C1orf21: variants seen among roughly 807,000 people sequenced by gnomAD.
C1orf21 encodes chromosome 1 open reading frame 21.
C1orf21 carries 3 observed loss-of-function variants against 18.7 expected under a neutral mutation model. That is an observed-to-expected ratio of 0.16 (90% CI 0.07 to 0.42). The LOEUF (loss-of-function observed/expected upper bound fraction) is 0.42, where lower values mean the gene tolerates loss of function less well. Among genes scored for constraint, C1orf21 ranks in the 10% least tolerant of loss-of-function variants. The probability of loss-of-function intolerance (pLI) is 0.99; values close to 1 mark genes in which losing one functional copy is unlikely to be tolerated. For synonymous variants in C1orf21, 41 were observed against 46.4 expected (o/e 0.88, Z 0.47); for missense variants, 104 against 143.6 (o/e 0.72, Z 1.41).
intron 1 of C1orf21, among the ~76,000 whole-genome samples, chr1:184,416,105 T>C (rs1656447213): frequency 6.6e-6 from 1 of 152,196 alleles, no homozygotes; most frequent in Admixed American, 6.5e-5. Flanking sequence ...AAAGAGATGA[T>C]TTATTGAAAG....
intron 4 of C1orf21, among the ~76,000 whole-genome samples, chr1:184,595,687 C>T (rs1325834137): frequency 6.6e-6 from 1 of 152,120 alleles, no homozygotes; most frequent in African/African-American, 2.4e-5. Flanking sequence ...CACAGGTGAC[C>T]CGTGTGGGCA....
rs1452315526 is a variant in C1orf21, at chr1:184,621,002, A to G, written c.*1446A>G. ...GTTTGTCCCACAAAATCACAGGAGC[A>G]CTGTATGTTCCTCTCTTTTGGAGTT... On this transcript the variant is annotated 3_prime_UTR_variant, in exon 6 of 6. Coordinates refer to ENST00000235307, the MANE Select transcript of C1orf21 (RefSeq NM_030806.4). 6.6e-6 allele frequency: 1 copy of G among 152,622 alleles called. No individual in the cohort carries two copies. Among genetic ancestry groups the G allele is most frequent in the East Asian group, 1.9e-4 (1 of 5,192 alleles). The allele number at this position is 152,622 out of a possible 1,614,324, so 9.5% of individuals were successfully genotyped here.
chr1:184,404,069 C>T (rs76235642), intron 1 of C1orf21, among the ~76,000 whole-genome samples: 3,067 of 152,206 alleles, frequency 0.02, 104 homozygotes, highest in African/African-American at 0.064. Flanking sequence ...CTCATTTAAT[C>T]GGATAATAGC....
intron 5 of C1orf21, among the ~76,000 whole-genome samples, chr1:184,611,382 C>A (rs556013057): frequency 4.6e-5 from 7 of 152,194 alleles, no homozygotes; most frequent in Non-Finnish European, 1.0e-4. Context: ...CACCTGCTTC[C>A]TACAGGAGGA....
At chr1:184,392,078 C>T (rs541712584) in intron 1 of C1orf21, among the ~76,000 whole-genome samples, 3 of 152,318 alleles carry the variant, frequency 2.0e-5, no homozygotes, top group Admixed American at 6.5e-5. Context: ...ATTTGACAGG[C>T]GTTCCTTCCC....
chr1:184,496,475 G>A (rs1283876108), intron 2 of C1orf21, among the ~76,000 whole-genome samples: 2 of 152,216 alleles, frequency 1.3e-5, no homozygotes, highest in Non-Finnish European at 2.9e-5. Flanking sequence ...GATCCAGTGG[G>A]AGCGGTGGAG....
intron 1 of C1orf21, among the ~76,000 whole-genome samples, chr1:184,414,479 G>T (rs1489569044): frequency 6.6e-6 from 1 of 152,170 alleles, no homozygotes; most frequent in Non-Finnish European, 1.5e-5. Flanking sequence ...TTCTCAAAGA[G>T]AGGGCAGATA....
intron 3 of C1orf21, among the ~76,000 whole-genome samples, chr1:184,532,745 T>TC (rs1414641549): frequency 6.6e-6 from 1 of 152,118 alleles, no homozygotes; most frequent in Non-Finnish European, 1.5e-5. Context: ...AGAACTTGTT[T>TC]CTTAAAAAAA....
chr1:184,483,069 A>G (rs150213141), intron 2 of C1orf21, among the ~76,000 whole-genome samples: 1 of 152,328 alleles, frequency 6.6e-6, no homozygotes, highest in Admixed American at 6.5e-5. Context: ...TTGAAGCATA[A>G]AAAGTTTCAG....
intron 1 of C1orf21, among the ~76,000 whole-genome samples, chr1:184,422,181 C>T (rs1656556286): frequency 1.3e-5 from 2 of 152,086 alleles, no homozygotes; most frequent in South Asian, 2.1e-4. Flanking sequence ...GCATCAGGGC[C>T]GTGTGGATGT....
intron 1 of C1orf21, among the ~76,000 whole-genome samples, chr1:184,397,595 A>AAG (rs1656081205): frequency 6.6e-6 from 1 of 151,916 alleles, no homozygotes; most frequent in East Asian, 1.9e-4. Context: ...GAAAAAGAAA[A>AAG]AAAAACAACT....
intron 1 of C1orf21, among the ~76,000 whole-genome samples, chr1:184,426,017 A>G (rs985914939): frequency 2.0e-5 from 3 of 152,208 alleles, no homozygotes; most frequent in South Asian, 2.1e-4. Context: ...ACCCAGATTT[A>G]TGTACTCAGC....
rs150691453 is a variant in C1orf21 at position 184,418,376 on chromosome 1, A to G, written c.-125+31008A>G. On this transcript the variant is annotated intron_variant, in intron 1 of 5. Transcript: ENST00000235307. ...TGGCATGTGCCACCATGCCTGGCTA[A>G]TTTTTTTGTATGTTTTTTGTAGAGA... Among the ~76,000 whole-genome samples, 343 of 152,090 alleles carry G rather than the reference A, an allele frequency of 2.3e-3. 1 individual carries two copies. The highest frequency in any genetic ancestry group is 0.017 in the Middle Eastern group (5 of 294).
At chr1:184,471,105 G>A (rs1657490234) in intron 1 of C1orf21, among the ~76,000 whole-genome samples, 1 of 152,128 alleles carries the variant, frequency 6.6e-6, no homozygotes, top group African/African-American at 2.4e-5. Context: ...ACACAGAGGA[G>A]TTTTCTGGTG....
chr1:184,442,679 A>G lies in C1orf21; in HGVS notation c.-124-34707A>G, dbSNP rs1283090576. On this transcript the variant is annotated intron_variant, in intron 1 of 5. Transcript: ENST00000235307. ...CTGGGTCATGATTTTGATTAGATCT[A>G]GAAATACTCTGAGGATCCCAACTTA... Among the ~76,000 whole-genome samples the G allele has an allele frequency of 2.6e-5, 4 of 152,336 alleles. No homozygotes were observed. In the East Asian group the frequency reaches 7.7e-4, roughly 29 times the overall value.
At chr1:184,469,565 TA>T (rs1657462547) in intron 1 of C1orf21, among the ~76,000 whole-genome samples, 1 of 152,232 alleles carries the variant, frequency 6.6e-6, no homozygotes, top group Non-Finnish European at 1.5e-5. Flanking sequence ...ACCATGAAAG[TA>T]AACTGCAGGT....
chr1:184,562,074 A>G (rs1355175758), intron 3 of C1orf21, among the ~76,000 whole-genome samples: 2 of 152,078 alleles, frequency 1.3e-5, no homozygotes, highest in South Asian at 2.1e-4. Context: ...AAAAGGACCT[A>G]TGTGTTGTGG....
intron 1 of C1orf21, among the ~76,000 whole-genome samples, chr1:184,424,957 A>G (rs1656610233): frequency 6.6e-6 from 1 of 152,220 alleles, no homozygotes; most frequent in Non-Finnish European, 1.5e-5. Flanking sequence ...TGAATGGGGC[A>G]GAGTCAGATG....
At chr1:184,530,053 C>G (rs530486290) in intron 3 of C1orf21, among the ~76,000 whole-genome samples, 16 of 152,284 alleles carry the variant, frequency 1.1e-4, no homozygotes, top group African/African-American at 3.6e-4. Context: ...GAACTGATGT[C>G]TCTAAAATGC....
Sources: allele counts gnomAD v4.1 joint callset (sites outside exome capture counted in the v4.1 genomes callset), GRCh38; gene constraint gnomAD v4.1.1; transcripts MANE v1.5; gene names NCBI Gene and HGNC (gene_info 2026-07-23, HGNC 2026-07-21).